Variants in LRP1B observed in about 807,000 individuals in gnomAD.
The protein encoded by LRP1B is low-density lipoprotein receptor-related protein 1B.
Under a neutral mutation model 556.6 loss-of-function variants are expected in LRP1B, and 217 were observed. That is an observed-to-expected ratio of 0.39 (90% CI 0.35 to 0.44). The LOEUF is 0.44. LRP1B is among the 20% of genes least tolerant of loss of function. The pLI is 1.00. For missense variants in LRP1B, 5,053 were observed against 5,620.8 expected, an observed-to-expected ratio of 0.90 and a Z score of 3.23; for synonymous variants, 2,047 against 1,865.8, an observed-to-expected ratio of 1.10 and a Z score of -2.50.
At chr2:140,570,496 A>G (rs1000934896) in intron 43 of LRP1B, among the ~76,000 whole-genome samples, 46 of 151,896 alleles carry the variant, frequency 3.0e-4, no homozygotes, top group African/African-American at 1.0e-3. Context: ...AAATGTAAAC[A>G]TAGCATTTAG....
chr2:140,747,126 T>A (rs1402929459), intron 35 of LRP1B, among the ~76,000 whole-genome samples: 1 of 152,104 alleles, frequency 6.6e-6, no homozygotes, highest in Admixed American at 6.6e-5. Flanking sequence ...CAAAAGTGAG[T>A]TGCAAAAAGC....
chr2:140,957,368 C>A (rs1242310489), intron 18 of LRP1B, among the ~76,000 whole-genome samples: 2 of 151,278 alleles, frequency 1.3e-5, no homozygotes, highest in Admixed American at 6.6e-5. Context: ...AGAAAGGTTG[C>A]AATAAGGTAT....
chr2:140,455,992 G>T (rs1410293518), intron 62 of LRP1B, among the ~76,000 whole-genome samples: 1 of 152,064 alleles, frequency 6.6e-6, no homozygotes, highest in African/African-American at 2.4e-5. Context: ...AAGTTTTAAA[G>T]AAAAAGAGGT....
chr2:141,609,010 T>C (rs545620333), intron 2 of LRP1B, among the ~76,000 whole-genome samples: 2 of 152,312 alleles, frequency 1.3e-5, no homozygotes, highest in East Asian at 1.9e-4. Flanking sequence ...TGGAAGACTA[T>C]TTTCTCAATT....
intron 3 of LRP1B, among the ~76,000 whole-genome samples, chr2:141,336,254 A>G (rs1341031909): frequency 6.6e-6 from 1 of 152,150 alleles, no homozygotes; most frequent in Non-Finnish European, 1.5e-5. Flanking sequence ...GTTCCCCAGA[A>G]TTATAAGTTT....
chr2:141,201,854 TTTCA>T (rs1387106407), intron 6 of LRP1B, among the ~76,000 whole-genome samples: 1 of 152,154 alleles, frequency 6.6e-6, no homozygotes, highest in Non-Finnish European at 1.5e-5. Context: ...ATGTTATCAG[TTTCA>T]TTCAGTCTGT....
chr2:141,701,265 T>C (rs946224833), intron 2 of LRP1B, among the ~76,000 whole-genome samples: 2 of 151,878 alleles, frequency 1.3e-5, no homozygotes, highest in African/African-American at 4.8e-5. Flanking sequence ...CCACATCTGG[T>C]CCTCTAACCA....
chr2:140,841,452 G>C (rs537913241), intron 29 of LRP1B, among the ~76,000 whole-genome samples: 29 of 152,210 alleles, frequency 1.9e-4, no homozygotes, highest in African/African-American at 7.0e-4. Flanking sequence ...CATCTTTCTA[G>C]TTACGAGAAA....
intron 1 of LRP1B, among the ~76,000 whole-genome samples, chr2:142,085,776 C>T (rs1438658533): frequency 6.6e-6 from 1 of 152,180 alleles, no homozygotes; most frequent in Non-Finnish European, 1.5e-5. Flanking sequence ...TTCAATCCCC[C>T]AAGTTGTATC....
intron 1 of LRP1B, among the ~76,000 whole-genome samples, chr2:142,024,723 G>A (rs1703450606): frequency 7.1e-6 from 1 of 141,504 alleles, no homozygotes; most frequent in Non-Finnish European, 1.5e-5. Flanking sequence ...TAGGTTAATT[G>A]AGTTCTCTAG....
intron 3 of LRP1B, among the ~76,000 whole-genome samples, chr2:141,314,444 T>C (rs1686921578): frequency 6.6e-6 from 1 of 151,966 alleles, no homozygotes; most frequent in Non-Finnish European, 1.5e-5. Context: ...TAAAAGAAAA[T>C]TGAAGATTTG....
intron 3 of LRP1B, among the ~76,000 whole-genome samples, chr2:141,434,478 G>A (rs1013237106): frequency 2.6e-5 from 4 of 151,870 alleles, no homozygotes; most frequent in Non-Finnish European, 4.4e-5. Flanking sequence ...TTTTATTTGA[G>A]GAAGTATTGT....
At chr2:141,218,264 C>T (rs1682895540) in intron 6 of LRP1B, among the ~76,000 whole-genome samples, 1 of 152,146 alleles carries the variant, frequency 6.6e-6, no homozygotes, top group African/African-American at 2.4e-5. Context: ...TACTATTCAA[C>T]CTAGTGATCC....
chr2:140,740,803 CTG>C lies in LRP1B; in HGVS notation c.5759-23989_5759-23988del, dbSNP rs569148532. On this transcript the variant is annotated intron_variant, in intron 35 of 90. Coordinates refer to ENST00000389484, the MANE Select transcript of LRP1B (RefSeq NM_018557.3). The stretch of plus-strand genomic sequence containing the variant: ...CCTATATCTTCATATGGTCTTTCCT[CTG>C]TGCATTTTTTCTGTGTACTAATCTT... Among the ~76,000 whole-genome samples, 434 of 152,224 alleles carry C rather than the reference CTG, an allele frequency of 2.9e-3. 5 individuals are homozygous for C. The highest frequency in any genetic ancestry group is 9.5e-3 in the African/African-American group (393 of 41,546).
chr2:141,304,356 T>C (rs529742358), intron 3 of LRP1B, among the ~76,000 whole-genome samples: 1 of 152,226 alleles, frequency 6.6e-6, no homozygotes, highest in Non-Finnish European at 1.5e-5. Flanking sequence ...CGTATTGAAG[T>C]CTTACCGTTA....
At chr2:142,091,319 T>G (rs1468060727) in intron 1 of LRP1B, among the ~76,000 whole-genome samples, 1 of 152,152 alleles carries the variant, frequency 6.6e-6, no homozygotes, top group African/African-American at 2.4e-5. Context: ...CATTTTGTGA[T>G]GTGATAGGTG....
Position 141,789,096 on chromosome 2 carries a change from G to A in LRP1B, c.205+21183C>T, listed in dbSNP as rs971856346. Among the ~76,000 whole-genome samples, 4 of 151,966 alleles carry A rather than the reference G, an allele frequency of 2.6e-5. No homozygotes were observed. In the East Asian group the frequency reaches 5.8e-4, roughly 22 times the overall value. On this transcript the variant is annotated intron_variant, in intron 2 of 90. Coordinates refer to ENST00000389484, the MANE Select transcript of LRP1B (RefSeq NM_018557.3). The stretch of plus-strand genomic sequence containing the variant: ...ATGGTGTTTCTAGTTCTAGATCCCT[G>A]AGGAATCGCCACACTGACTTCCACA...
At chr2:140,833,582 C>G (rs1479292272) in intron 31 of LRP1B, among the ~76,000 whole-genome samples, 1 of 152,160 alleles carries the variant, frequency 6.6e-6, no homozygotes, top group Non-Finnish European at 1.5e-5. Context: ...CTAGAAACAG[C>G]TCTTGTTTAT....
At chr2:141,357,990 C>A (rs553406125) in intron 3 of LRP1B, among the ~76,000 whole-genome samples, 15 of 152,288 alleles carry the variant, frequency 9.8e-5, no homozygotes, top group Admixed American at 5.2e-4. Flanking sequence ...CTTCCAGGAA[C>A]CTTCTTCAAA....
Sources: gnomAD v4.1 joint callset for allele counts (sites outside exome capture counted in the v4.1 genomes callset) on GRCh38, gnomAD v4.1.1 for gene constraint, MANE v1.5 for transcripts, NCBI Gene and HGNC (gene_info 2026-07-23, HGNC 2026-07-21) for gene names.